The following GRK4 variants were observed in gnomAD, a reference collection of about 807,000 sequenced individuals.
The protein encoded by GRK4 is G protein-coupled receptor kinase 4.
In GRK4, 73 loss-of-function variants were observed where a neutral mutation model predicts 77.9. The ratio of observed to expected loss-of-function variants is 0.94; its 90% CI spans 0.78 to 1.14. GRK4 has a LOEUF of 1.14. Ranked by LOEUF, GRK4 falls within the 50% of genes most tolerant of loss-of-function variation. The pLI, the probability that GRK4 is intolerant of heterozygous loss-of-function variation, is 0.00. For synonymous variants in GRK4, 257 were observed against 254.4 expected (o/e 1.01, Z -0.10); for missense variants, 729 against 700.2 (o/e 1.04, Z -0.46).
At position 3,009,565 on chromosome 4, in the gene GRK4, C is replaced by T. The variant is rs779357891; in HGVS notation, c.537-83C>T. The T allele has an allele frequency of 1.7e-5, 17 of 1,017,684 alleles. 1 individual carries two copies. The highest frequency in any genetic ancestry group is 1.1e-4 in the South Asian group (8 of 73,738). The allele number at this position is 1,017,684 out of a possible 1,614,324, so 63.0% of individuals were successfully genotyped here. A position where few individuals can be genotyped will look rare whatever the true frequency, so the allele number is the denominator to read the frequency against. On this transcript the variant is annotated intron_variant, in intron 6 of 15. Coordinates refer to ENST00000398052, the MANE Select transcript of GRK4 (RefSeq NM_182982.3). Reference sequence around the variant, plus strand: ...GAGCAGAATGGTTCAATAAATGAGGCGAAGACAAGCGCTGAGTAAACTTTT... The same window carrying T: ...GAGCAGAATGGTTCAATAAATGAGGTGAAGACAAGCGCTGAGTAAACTTTT...
At chr4:3,029,444 C>G (rs1738528663) in intron 12 of GRK4, 35 bp downstream of exon 12, 1 of 1,550,080 alleles carries the variant, frequency 6.5e-7, no homozygotes, top group African/African-American at 1.4e-5. Flanking sequence ...GGAAATGGCA[C>G]TTCTCACTCA....
At chr4:3,025,387 ATT>A (rs71180111) in intron 10 of GRK4, among the ~76,000 whole-genome samples, 112 of 112,218 alleles carry the variant, frequency 1.0e-3, no homozygotes, top group African/African-American at 3.5e-3. Context: ...TAGCGATCTA[ATT>A]TTTTTTTTTT....
In GRK4 at chr4:3,022,424, C is replaced by G; in HGVS notation, c.943C>G (p.Pro315Ala). The G allele has an allele frequency of 6.2e-7, 1 of 1,613,854 alleles. No homozygotes were observed. Residue 315 changes from proline to alanine, a missense_variant, in exon 10 of 16, where the codon CCT becomes GCT. Coordinates refer to ENST00000398052, the MANE Select transcript of GRK4 (RefSeq NM_182982.3). ...TGTTGTTTCTTGTAGAGACTTGAAGCCTGAGAATATTCTCCTTGATGATCG... is the reference window on the plus strand; with the variant it reads ...TGTTGTTTCTTGTAGAGACTTGAAGGCTGAGAATATTCTCCTTGATGATCG... ...RERIVYRDLK[P>A]ENILLDDRGH...
At chr4:3,018,280 G>A (rs1735119753) in intron 8 of GRK4, among the ~76,000 whole-genome samples, 1 of 151,892 alleles carries the variant, frequency 6.6e-6, no homozygotes, top group African/African-American at 2.4e-5. Context: ...AACCTATTAA[G>A]GATTTAACCA....
At chr4:2,967,858 T>C (rs1718248438) in intron 1 of GRK4, among the ~76,000 whole-genome samples, 1 of 152,100 alleles carries the variant, frequency 6.6e-6, no homozygotes, top group African/African-American at 2.4e-5. Flanking sequence ...AATCGTGATC[T>C]CGGCTCACTG....
At chr4:3,040,535 T>A (rs1310553639) in intron 15 of GRK4, 37 bp from the exon 16 acceptor site, 1 of 1,584,096 alleles carries the variant, frequency 6.3e-7, no homozygotes, top group African/African-American at 1.3e-5. Flanking sequence ...AACCTTCGCA[T>A]CAGCCGTGTG....
intron 8 of GRK4, among the ~76,000 whole-genome samples, chr4:3,015,534 G>C (rs190444127): frequency 6.6e-6 from 1 of 152,034 alleles, no homozygotes; most frequent in Non-Finnish European, 1.5e-5. Context: ...AATTAGCCAG[G>C]CGTGGTGGCA....
chr4:3,003,881 C>T (rs1040520566), intron 4 of GRK4, among the ~76,000 whole-genome samples: 2 of 152,140 alleles, frequency 1.3e-5, no homozygotes, highest in Non-Finnish European at 2.9e-5. Context: ...CCTACCACGC[C>T]TGGCTAATAG....
At chr4:3,003,154 A>C (rs114678947) in intron 4 of GRK4, among the ~76,000 whole-genome samples, 136 of 152,300 alleles carry the variant, frequency 8.9e-4, no homozygotes, top group African/African-American at 3.2e-3. Context: ...GACCATATAT[A>C]AGTGGAATCA....
chr4:3,030,956 G>A (rs78227937), intron 12 of GRK4, among the ~76,000 whole-genome samples: 2 of 152,332 alleles, frequency 1.3e-5, no homozygotes, highest in East Asian at 3.9e-4. Flanking sequence ...GGGCTTTGCA[G>A]CGATTCAGGT....
chr4:3,003,003 T>C (rs1730296154), intron 4 of GRK4, among the ~76,000 whole-genome samples: 1 of 152,230 alleles, frequency 6.6e-6, no homozygotes, highest in Non-Finnish European at 1.5e-5. Flanking sequence ...ATATTCACCC[T>C]GTTCTGCAGC....
intron 3 of GRK4, among the ~76,000 whole-genome samples, chr4:2,991,571 C>T (rs1226496631): frequency 8.5e-5 from 13 of 152,188 alleles, no homozygotes; most frequent in Admixed American, 8.5e-4. Context: ...AGTGTAGTAG[C>T]ATGATCTCGG....
chr4:3,015,210 G>A (rs1201472861), intron 8 of GRK4, among the ~76,000 whole-genome samples: 1 of 152,178 alleles, frequency 6.6e-6, no homozygotes, highest in Admixed American at 6.5e-5. Flanking sequence ...CATATGTCCT[G>A]TAGCAGCTAC....
intron 7 of GRK4, among the ~76,000 whole-genome samples, chr4:3,012,378 G>A (rs999357094): frequency 6.6e-6 from 1 of 152,150 alleles, no homozygotes; most frequent in Non-Finnish European, 1.5e-5. Context: ...TGGGAACAGG[G>A]TATGTATTCT....
Position 3,035,583 on chromosome 4 carries a change from TTCTC to T in GRK4, c.1407+62_1407+65del, listed in dbSNP as rs939691491. On this transcript the variant is annotated intron_variant, in intron 13 of 15. Coordinates refer to ENST00000398052, the MANE Select transcript of GRK4 (RefSeq NM_182982.3). The stretch of plus-strand genomic sequence containing the variant: ...AACAGTGATCCGCACAGCACGGTTT[TTCTC>T]TTTCTTTTTTCAAAAATAGAGATGG... The T allele has an allele frequency of 3.3e-6, 5 of 1,521,714 alleles. No homozygotes were observed. The African/African-American group carries it at 7.0e-5, about 21-fold the overall frequency. The allele number at this position is 1,521,714 out of a possible 1,614,324, so 94.3% of individuals were successfully genotyped here. A position where few individuals can be genotyped will look rare whatever the true frequency, so the allele number is the denominator to read the frequency against.
intron 1 of GRK4, among the ~76,000 whole-genome samples, chr4:2,974,249 CTAAAAT>C (rs1720454189): frequency 1.3e-5 from 2 of 152,180 alleles, no homozygotes; most frequent in African/African-American, 4.8e-5. Flanking sequence ...GGCTTTCTCC[CTAAAAT>C]TAAGCTTTAT....
chr4:3,037,638 T>C lies in GRK4; in HGVS notation c.1545+127T>C, dbSNP rs993249649. On this transcript the variant is annotated intron_variant, in intron 14 of 15. Transcript: ENST00000398052. ...GGGAGATAAAATTATATAAGACGGC[T>C]GGGCGCAGTGGCTCACGCCTGTAAT... is the stretch of plus-strand genomic sequence containing the variant. The C allele has an allele frequency of 4.6e-6, 5 of 1,096,944 alleles. No homozygotes were observed. In the African/African-American group the frequency reaches 6.2e-5, roughly 14 times the overall value. The allele number at this position is 1,096,944 out of a possible 1,614,324, so 68.0% of individuals were successfully genotyped here.
chr4:2,986,226 C>G (rs1293743030), intron 2 of GRK4, among the ~76,000 whole-genome samples: 2 of 150,402 alleles, frequency 1.3e-5, no homozygotes, highest in Non-Finnish European at 2.9e-5. Flanking sequence ...ATTTGCTAAA[C>G]TGCAATTTGA....
rs757182290 is a variant in GRK4, at chr4:3,037,524, C to T, written c.1545+13C>T. ...CTGGCAGAATGAGGTACTGCCCTTC[C>T]AGCACAGCCGCTTTACGTTAGTTCC... On this transcript the variant is annotated intron_variant, in intron 14 of 15. Transcript: ENST00000398052. 6.3e-7 allele frequency: 1 copy of T among 1,592,950 alleles called. No homozygotes were observed. The highest frequency in any genetic ancestry group is 1.7e-5 in the Admixed American group (1 of 59,642).
Sources: allele counts gnomAD v4.1 joint callset (sites outside exome capture counted in the v4.1 genomes callset), GRCh38; gene constraint gnomAD v4.1.1; transcripts MANE v1.5; gene names NCBI Gene and HGNC (gene_info 2026-07-23, HGNC 2026-07-21).